The following SMYD3 variants were observed in gnomAD, a reference collection of about 807,000 sequenced individuals.
The protein encoded by SMYD3 is histone-lysine N-methyltransferase SMYD3.
In SMYD3, 36 loss-of-function variants were observed where a neutral mutation model predicts 57.7. That is an observed-to-expected ratio of 0.62 (90% CI 0.48 to 0.82). The LOEUF (loss-of-function observed/expected upper bound fraction) is 0.82, where lower values mean the gene tolerates loss of function less well. Ranked by LOEUF, SMYD3 falls within the 40% of genes least tolerant of loss-of-function variation. The pLI is 0.00. For synonymous variants in SMYD3, 211 were observed against 195.0 expected, an observed-to-expected ratio of 1.08 and a Z score of -0.68; for missense variants, 515 against 538.8, an observed-to-expected ratio of 0.96 and a Z score of 0.44.
At chr1:245,874,907 A>T (rs1001745839) in intron 8 of SMYD3, among the ~76,000 whole-genome samples, 1 of 152,226 alleles carries the variant, frequency 6.6e-6, no homozygotes, top group African/African-American at 2.4e-5. Flanking sequence ...ACTACTTTGT[A>T]AAGTTTGGGA....
At chr1:245,973,158 G>A (rs2058342807) in intron 5 of SMYD3, among the ~76,000 whole-genome samples, 1 of 152,194 alleles carries the variant, frequency 6.6e-6, no homozygotes, top group Admixed American at 6.5e-5. Flanking sequence ...TGGCTCTGGA[G>A]GAAAACAAAA....
At chr1:246,438,452 T>A (rs2067413846) in intron 1 of SMYD3, among the ~76,000 whole-genome samples, 1 of 152,046 alleles carries the variant, frequency 6.6e-6, no homozygotes, top group Admixed American at 6.5e-5. Flanking sequence ...CGAAGTCAAC[T>A]CAGGACCAGA....
chr1:246,237,404 T>A (rs775500918), intron 5 of SMYD3, among the ~76,000 whole-genome samples: 2 of 152,182 alleles, frequency 1.3e-5, no homozygotes, highest in Non-Finnish European at 2.9e-5. Flanking sequence ...ATACTTATGG[T>A]TGTTGTTCTA....
At chr1:246,425,319 C>T (rs1401972631) in intron 1 of SMYD3, among the ~76,000 whole-genome samples, 5 of 152,150 alleles carry the variant, frequency 3.3e-5, no homozygotes, top group East Asian at 1.9e-4. Context: ...ACCGGAGATA[C>T]AACACCAACC....
intron 1 of SMYD3, among the ~76,000 whole-genome samples, chr1:246,484,749 C>T (rs1399463123): frequency 1.1e-5 from 1 of 87,686 alleles, no homozygotes; most frequent in African/African-American, 4.3e-5. Flanking sequence ...ATACCTAAAC[C>T]ATTGCACTAG....
Position 245,876,778 on chromosome 1 carries a change from C to T in SMYD3, c.814-12892G>A, listed in dbSNP as rs1018699419. On this transcript the variant is annotated intron_variant, in intron 8 of 11. Coordinates refer to ENST00000490107, the MANE Select transcript of SMYD3 (RefSeq NM_001167740.2). ...TCAGCTTACATTCCAGTGGTTGAAA[C>T]GGCCAAACAAATGTATCATTTCTAA... Among the ~76,000 whole-genome samples, 8 of 152,296 alleles carry T rather than the reference C, an allele frequency of 5.3e-5. No homozygotes were observed. In the South Asian group the frequency reaches 1.0e-3, roughly 20 times the overall value.
chr1:246,289,327 C>G (rs1350381749), intron 5 of SMYD3, among the ~76,000 whole-genome samples: 1 of 152,120 alleles, frequency 6.6e-6, no homozygotes. Flanking sequence ...GAAACTACAA[C>G]GTTAGCTTAT....
chr1:246,492,192 G>A (rs1228714715), intron 1 of SMYD3, among the ~76,000 whole-genome samples: 3 of 152,038 alleles, frequency 2.0e-5, no homozygotes, highest in Admixed American at 2.0e-4. Flanking sequence ...AGTTAAATTA[G>A]TCCATGTTTT....
intron 1 of SMYD3, among the ~76,000 whole-genome samples, chr1:246,488,985 C>T (rs1176039760): frequency 6.7e-6 from 1 of 149,780 alleles, no homozygotes; most frequent in Non-Finnish European, 1.5e-5. Flanking sequence ...TTAACAAGTC[C>T]TCTCTCTCTC....
At chr1:245,814,939 C>A (rs2048718638) in intron 10 of SMYD3, among the ~76,000 whole-genome samples, 1 of 152,060 alleles carries the variant, frequency 6.6e-6, no homozygotes, top group Admixed American at 6.5e-5. Context: ...ACATCTTCCT[C>A]ACAAAACACA....
intron 1 of SMYD3, among the ~76,000 whole-genome samples, chr1:246,468,175 A>C (rs1056468101): frequency 6.6e-6 from 1 of 151,604 alleles, no homozygotes; most frequent in Admixed American, 6.6e-5. Context: ...AAAAAAAAAA[A>C]AGATAATTCA....
intron 10 of SMYD3, among the ~76,000 whole-genome samples, chr1:245,854,273 A>G (rs763482554): frequency 6.6e-6 from 1 of 152,190 alleles, no homozygotes; most frequent in Non-Finnish European, 1.5e-5. Flanking sequence ...CAATTTGGAA[A>G]TGGTTATCCA....
At position 246,470,510 on chromosome 1, in the gene SMYD3, T is replaced by TAA. The variant is rs879521382; in HGVS notation, c.164+36542_164+36543dup. ...AATCTGTCTAAAAATAAAAAAAAAT[T>TAA]AAAAAAAAAAATATATATATATATA... On this transcript the variant is annotated intron_variant, in intron 1 of 11. Coordinates refer to ENST00000490107, the MANE Select transcript of SMYD3 (RefSeq NM_001167740.2). 9.2e-4 allele frequency among the ~76,000 whole-genome samples: 112 copies of TAA among 121,670 alleles called. 1 individual carries two copies. Among genetic ancestry groups the TAA allele is most frequent in the African/African-American group, 3.1e-3 (101 of 32,080 alleles). 79.8% of individuals were successfully genotyped at this position (121,670 alleles called of 152,430 possible).
chr1:246,039,552 A>C (rs563854198), intron 5 of SMYD3, among the ~76,000 whole-genome samples: 1 of 152,358 alleles, frequency 6.6e-6, no homozygotes, highest in African/African-American at 2.4e-5. Context: ...GTATCCCTCA[A>C]ACTGATACTA....
At chr1:246,499,404 AC>A (rs1165551879) in intron 1 of SMYD3, among the ~76,000 whole-genome samples, 2 of 10,160 alleles carry the variant, frequency 2.0e-4, no homozygotes, top group Non-Finnish European at 7.2e-4. Flanking sequence ...TCAAATATAC[AC>A]ACACACACAC....
intron 5 of SMYD3, among the ~76,000 whole-genome samples, chr1:246,088,613 G>A (rs1213251319): frequency 4.7e-5 from 7 of 148,256 alleles, no homozygotes; most frequent in African/African-American, 1.8e-4. Flanking sequence ...CCGTCTCAAA[G>A]AAAAAAAAAA....
chr1:246,268,113 G>A (rs944922189), intron 5 of SMYD3, among the ~76,000 whole-genome samples: 1 of 152,158 alleles, frequency 6.6e-6, no homozygotes, highest in Non-Finnish European at 1.5e-5. Flanking sequence ...ATGAAGCTGA[G>A]GCCTACTGGG....
intron 5 of SMYD3, among the ~76,000 whole-genome samples, chr1:245,968,708 T>A (rs1025531411): frequency 1.3e-5 from 2 of 152,190 alleles, no homozygotes; most frequent in Admixed American, 1.3e-4. Context: ...CTCTATACAA[T>A]GGACACAATG....
intron 1 of SMYD3, among the ~76,000 whole-genome samples, chr1:246,406,028 G>A (rs6669201): frequency 0.43 from 64,654 of 149,246 alleles, 14,578 homozygotes; most frequent in Middle Eastern, 0.51. Flanking sequence ...TCTCCTGTAG[G>A]TTAAATCGCT....
Sources: gnomAD v4.1 joint callset for allele counts (sites outside exome capture counted in the v4.1 genomes callset) on GRCh38, gnomAD v4.1.1 for gene constraint, MANE v1.5 for transcripts, NCBI Gene and HGNC (gene_info 2026-07-23, HGNC 2026-07-21) for gene names.